BSN: variants seen among roughly 807,000 people sequenced by gnomAD.
The protein encoded by BSN is protein bassoon.
BSN carries 57 observed loss-of-function variants against 264.8 expected under a neutral mutation model. The ratio of observed to expected loss-of-function variants is 0.22; its 90% confidence interval spans 0.17 to 0.27. The LOEUF is 0.27. Ranked by LOEUF, BSN falls within the 10% of genes least tolerant of loss-of-function variation. BSN has a pLI of 1.00. For synonymous variants in BSN, 2,059 were observed against 2,137.3 expected, an observed-to-expected ratio of 0.96 and a Z score of 1.01; for missense variants, 4,615 against 5,232.5, an observed-to-expected ratio of 0.88 and a Z score of 3.64.
At chr3:49,617,286 TATATATATA>T (rs2052267619) in intron 1 of BSN, among the ~76,000 whole-genome samples, 3 of 3,732 alleles carry the variant, frequency 8.0e-4, no homozygotes, top group Non-Finnish European at 1.6e-3. Context: ...AAATACATTA[TATATATATA>T]TATATATATA....
At chr3:49,644,663 C>A (rs1427423128) in intron 3 of BSN, among the ~76,000 whole-genome samples, 1 of 152,192 alleles carries the variant, frequency 6.6e-6, no homozygotes, top group Non-Finnish European at 1.5e-5. Flanking sequence ...TGCCCAGAGA[C>A]CTCCAGGCAC....
rs267599874 is a variant in BSN, at chr3:49,662,300, C to T, written c.10455C>T (p.Ser3485=). ...AAAAAGCGGGCCCCAAGCCCTCATC[C>T]CTAAGTATGGCCCACAGCCGGGTAC... ...RLQKAGPKPS[S]LSMAHSRVRP... The change falls in exon 6 of 12, where the codon TCC becomes TCT. Residue 3485 remains serine, a synonymous_variant. Coordinates refer to ENST00000296452, the MANE Select transcript of BSN (RefSeq NM_003458.4). 3 of 1,613,898 alleles carry T rather than the reference C, an allele frequency of 1.9e-6. No homozygotes were observed. The highest frequency in any genetic ancestry group is 2.5e-6 in the Non-Finnish European group (3 of 1,179,928).
Position 49,651,266 on chromosome 3 carries a change from C to T in BSN, c.1986+187C>T, listed in dbSNP as rs926424831. 11 of 660,272 alleles carry T rather than the reference C, an allele frequency of 1.7e-5. No individual in the cohort carries two copies. The highest frequency in any genetic ancestry group is 6.4e-5 in the Admixed American group (2 of 31,344). 40.9% of individuals were successfully genotyped at this position (660,272 alleles called of 1,614,324 possible). A position where few individuals can be genotyped will look rare whatever the true frequency, so the allele number is the denominator to read the frequency against. On this transcript the variant is annotated intron_variant, in intron 4 of 11. Transcript: ENST00000296452. The surrounding 1 kb of genome is among the most constrained non-coding windows in gnomAD (Gnocchi z 5.4). ...GCACGCTTGGAGACTGTGGGTTTTA[C>T]ACTGGTGCTGTGTCTGGCACCTTGT...
At chr3:49,589,906 C>T (rs1164622546) in intron 1 of BSN, among the ~76,000 whole-genome samples, 11 of 150,420 alleles carry the variant, frequency 7.3e-5, no homozygotes, top group African/African-American at 2.4e-4. Context: ...GGCGCAATCT[C>T]AGCTCACTGC....
chr3:49,582,018 A>C (rs2051898943), intron 1 of BSN, among the ~76,000 whole-genome samples: 1 of 152,104 alleles, frequency 6.6e-6, no homozygotes, highest in African/African-American at 2.4e-5. Context: ...TAAGAGTGGA[A>C]TTCCTGGATC....
At chr3:49,606,277 A>AAAATATATATTATATATATT (rs2052147488) in intron 1 of BSN, among the ~76,000 whole-genome samples, 1 of 84,702 alleles carries the variant, frequency 1.2e-5, no homozygotes, top group Non-Finnish European at 2.2e-5. Context: ...AATATATATT[A>AAAATATATATTATATATATT]AAAATATATA....
intron 1 of BSN, among the ~76,000 whole-genome samples, chr3:49,567,580 A>G (rs1246603337): frequency 5.3e-5 from 8 of 152,220 alleles, no homozygotes; most frequent in African/African-American, 4.8e-5. Context: ...GACACACAAG[A>G]GGGTGTGCCT....
chr3:49,594,468 G>T (rs554958101), intron 1 of BSN, among the ~76,000 whole-genome samples: 1 of 152,286 alleles, frequency 6.6e-6, no homozygotes, highest in African/African-American at 2.4e-5. Context: ...GCTTTATAAA[G>T]AATCAATTTA....
At chr3:49,587,109 T>C (rs2051942988) in intron 1 of BSN, among the ~76,000 whole-genome samples, 3 of 152,230 alleles carry the variant, frequency 2.0e-5, no homozygotes, top group African/African-American at 7.2e-5. Flanking sequence ...GTTTTCCTTA[T>C]AGAGATCTTT....
chr3:49,644,877 C>T (rs1053762124), intron 3 of BSN, among the ~76,000 whole-genome samples: 1 of 152,210 alleles, frequency 6.6e-6, no homozygotes, highest in African/African-American at 2.4e-5. Context: ...TCCTCTTGGC[C>T]GTCCCTGGGC....
chr3:49,605,313 T>A (rs2052104554), intron 1 of BSN, among the ~76,000 whole-genome samples: 1 of 97,438 alleles, frequency 1.0e-5, no homozygotes, highest in South Asian at 2.6e-4. Context: ...ATATATTATA[T>A]TATATATATA....
At chr3:49,630,476 G>A (rs1372716276) in intron 2 of BSN, among the ~76,000 whole-genome samples, 1 of 152,196 alleles carries the variant, frequency 6.6e-6, no homozygotes, top group African/African-American at 2.4e-5. Flanking sequence ...GGAGCAGCCA[G>A]CCCTGTTGCT....
rs532759775 is a variant in BSN, at chr3:49,614,216, C to T, written c.225-10759C>T. On this transcript the variant is annotated intron_variant, in intron 1 of 11. Coordinates refer to ENST00000296452, the MANE Select transcript of BSN (RefSeq NM_003458.4). ...CTGGGACTACAGATGCCCGCCACCA[C>T]GCCCAGCTAATTTTTTGTATTTTTA... Among the ~76,000 whole-genome samples the T allele has an allele frequency of 5.9e-5, 9 of 152,168 alleles. No individual in the cohort carries two copies. The South Asian group carries it at 6.2e-4, about 11-fold the overall frequency.
At position 49,642,408 on chromosome 3, in the gene BSN, G is replaced by T; in HGVS notation, c.774G>T (p.Leu258=). The T allele has an allele frequency of 6.2e-7, 1 of 1,601,342 alleles. No homozygotes were observed. Among genetic ancestry groups the T allele is most frequent in the East Asian group, 2.3e-5 (1 of 44,254 alleles). The stretch of plus-strand genomic sequence containing the variant: ...CCCACTCCCCGGCCAAACAGCCCCT[G>T]GGGAAGCCAGACCAAGAGAGATCTC... The part of the protein sequence containing the change: ...SPAHSPAKQP[L]GKPDQERSRG... The change falls in exon 3 of 12, where the codon CTG becomes CTT. Residue 258 remains leucine (L), a synonymous_variant. Coordinates refer to ENST00000296452, the MANE Select transcript of BSN (RefSeq NM_003458.4). This position sits in a 1 kb window ranked among gnomAD's most constrained non-coding sequence, Gnocchi z 7.0.
downstream of BSN, among the ~76,000 whole-genome samples, chr3:49,673,087 CTTTT>C (rs71080543): frequency 7.4e-3 from 319 of 43,174 alleles, 4 homozygotes; most frequent in East Asian, 0.015. Context: ...CCGGCCGGGA[CTTTT>C]TTTTTTTTTT....
Position 49,652,260 on chromosome 3 carries a change from A to G in BSN, c.2704A>G (p.Thr902Ala), listed in dbSNP as rs965018802. The G allele has an allele frequency of 6.2e-7, 1 of 1,603,248 alleles. No individual in the cohort carries two copies. Among genetic ancestry groups the G allele is most frequent in the Non-Finnish European group, 8.5e-7 (1 of 1,173,740 alleles). ...CAAGAGGCGCCTGCCCCACAATGCC[A>G]CCACGGGCTATGAGGAGCTGCTCCC... The part of the protein sequence containing the change: ...LPKRRLPHNA[T>A]TGYEELLPEG... The change falls in exon 5 of 12, where the codon ACC (threonine) becomes GCC (alanine). Residue 902 changes from threonine to alanine, a missense_variant. This residue lies in a region of BSN where 1,197 missense variants were observed against 1,348.0 expected (regional missense o/e 0.89). Transcript: ENST00000296452.
At chr3:49,628,509 C>T (rs111847535) in intron 2 of BSN, among the ~76,000 whole-genome samples, 11 of 152,182 alleles carry the variant, frequency 7.2e-5, no homozygotes, top group African/African-American at 1.7e-4. Context: ...TTCTGGCCAG[C>T]GGACCCAAGT....
Position 49,651,003 on chromosome 3 carries a change from G to C in BSN, c.1910G>C (p.Ser637Thr). The change falls in exon 4 of 12, where the codon AGT (serine) becomes ACT (threonine). Residue 637 changes from serine to threonine, a missense_variant. Around this residue, in one of 3 missense-constraint regions of BSN, gnomAD observed 1,197 missense variants for 1,348.0 expected, o/e 0.89. Coordinates refer to ENST00000296452, the MANE Select transcript of BSN (RefSeq NM_003458.4). The surrounding 1 kb of genome is among the most constrained non-coding windows in gnomAD (Gnocchi z 5.4). ...ACCCCTGCGACTCCTAAAGTAAAGA[G>C]TGGGGTGAGGAGGGCTGAACCTGCC... ...TPTPATPKVK[S>T]GVRRAEPATP... 6.2e-7 allele frequency: 1 copy of C among 1,614,080 alleles called. No individual in the cohort carries two copies. The highest frequency in any genetic ancestry group is 8.5e-7 in the Non-Finnish European group (1 of 1,180,006).
intron 6 of BSN, 49 bp from the exon 7 acceptor site, chr3:49,662,827 C>T (rs761095770): frequency 7.9e-6 from 12 of 1,519,754 alleles, no homozygotes; most frequent in Non-Finnish European, 1.1e-5. Flanking sequence ...TAGGCCTCCC[C>T]CTGCGGCTAG....
Sources: gnomAD v4.1 joint callset for allele counts (sites outside exome capture counted in the v4.1 genomes callset) on GRCh38, gnomAD v4.1.1 for gene constraint, gnomAD v4.1.1 regional missense constraint, Gnocchi (gnomAD v3.1) non-coding constraint, MANE v1.5 for transcripts, NCBI Gene and HGNC (gene_info 2026-07-23, HGNC 2026-07-21) for gene names.